The following CLIP4 variants were observed in gnomAD, a reference collection of about 807,000 sequenced individuals.
The protein encoded by CLIP4 is CAP-Gly domain containing linker protein family member 4.
Under a neutral mutation model 73.1 loss-of-function variants are expected in CLIP4, and 47 were observed. That is an observed-to-expected ratio of 0.64 (90% confidence interval 0.51 to 0.82). CLIP4 has a LOEUF of 0.82. Ranked by LOEUF, CLIP4 falls within the 40% of genes least tolerant of loss-of-function variation. The pLI is 0.00. For missense variants in CLIP4, 874 were observed against 852.9 expected (o/e 1.02, Z -0.31); for synonymous variants, 306 against 295.4 (o/e 1.04, Z -0.37).
rs1189569438 is a variant in CLIP4 at position 29,101,455 on chromosome 2, T to C, written c.-16+3508T>C. ...GTCTAATGTTCAAGGGCAGGAAGCA[T>C]CCAGCATAGGGGGAATGATGGAGCC... is the stretch of plus-strand genomic sequence containing the variant. On this transcript the variant is annotated intron_variant, in intron 1 of 14. Transcript: ENST00000401605. Among the ~76,000 whole-genome samples the C allele has an allele frequency of 2.6e-5, 4 of 152,038 alleles. No individual in the cohort carries two copies. In the East Asian group the frequency reaches 7.7e-4, roughly 29 times the overall value.
chr2:29,128,206 A>T (rs1481101590), intron 2 of CLIP4, among the ~76,000 whole-genome samples: 1 of 145,890 alleles, frequency 6.9e-6, no homozygotes, highest in Admixed American at 6.8e-5. Context: ...TTTTTTTTTT[A>T]AAGAAATAGA....
intron 7 of CLIP4, 42 bp downstream of exon 7, chr2:29,143,987 G>A (rs189297473): frequency 1.3e-6 from 2 of 1,530,850 alleles, no homozygotes; most frequent in African/African-American, 1.4e-5. Context: ...GGGTTGTTAT[G>A]TCCATGACCT....
chr2:29,163,821 C>T lies in CLIP4; in HGVS notation c.1535-10C>T, dbSNP rs766109065. The T allele has an allele frequency of 4.4e-6, 7 of 1,607,408 alleles. No homozygotes were observed. Among genetic ancestry groups the T allele is most frequent in the South Asian group, 1.1e-5 (1 of 89,410 alleles). On this transcript the variant is annotated splice_polypyrimidine_tract_variant and intron_variant, in intron 12 of 15. Coordinates refer to ENST00000320081, the MANE Select transcript of CLIP4 (RefSeq NM_024692.6). ...ACAGATGCTTTTGAAATGCAATATT[C>T]ATGTTCTAGGATATTGGTATGGTAT... is the stretch of plus-strand genomic sequence containing the variant.
intron 6 of CLIP4, among the ~76,000 whole-genome samples, chr2:29,137,420 A>G (rs1283854659): frequency 6.6e-6 from 1 of 152,172 alleles, no homozygotes; most frequent in Non-Finnish European, 1.5e-5. Context: ...TATCCAGTCC[A>G]CTATTGATGA....
intron 5 of CLIP4, among the ~76,000 whole-genome samples, chr2:29,135,187 A>T (rs1215644614): frequency 6.6e-6 from 1 of 152,060 alleles, no homozygotes; most frequent in Non-Finnish European, 1.5e-5. Context: ...AAACTCTACT[A>T]CTCTACCTCA....
chr2:29,150,551 G>C (rs1666485414), intron 8 of CLIP4, among the ~76,000 whole-genome samples: 1 of 151,208 alleles, frequency 6.6e-6, no homozygotes. Context: ...GTTTATTTTA[G>C]GTTTCTTCCA....
At chr2:29,159,979 G>C (rs1019651981) in intron 11 of CLIP4, among the ~76,000 whole-genome samples, 2 of 152,208 alleles carry the variant, frequency 1.3e-5, no homozygotes, top group African/African-American at 4.8e-5. Flanking sequence ...CATATTTACT[G>C]TCCAGCAATT....
At chr2:29,130,576 T>C (rs971148461) in intron 2 of CLIP4, 2 of 1,101,356 alleles carry the variant, frequency 1.8e-6, no homozygotes, top group Admixed American at 9.5e-5. Context: ...GGACTTTGGC[T>C]CAGAGGCCAA....
chr2:29,172,672 C>T (rs935505450), intron 14 of CLIP4, among the ~76,000 whole-genome samples: 3 of 151,734 alleles, frequency 2.0e-5, no homozygotes, highest in Non-Finnish European at 4.4e-5. Flanking sequence ...TATTATTTTT[C>T]TTAGCTCCTT....
chr2:29,157,465 A>G (rs1432661209), intron 11 of CLIP4, 118 bp downstream of exon 11: 4 of 1,526,830 alleles, frequency 2.6e-6, no homozygotes, highest in Admixed American at 1.7e-5. Context: ...AGATTGAACT[A>G]CTTTTACTCT....
At chr2:29,149,619 A>C (rs17007585) in intron 8 of CLIP4, among the ~76,000 whole-genome samples, 1 of 151,770 alleles carries the variant, frequency 6.6e-6, no homozygotes, top group African/African-American at 2.4e-5. Context: ...GAAAAGTCCT[A>C]TCAATACTTC....
At chr2:29,158,084 A>C (rs1226380562) in intron 11 of CLIP4, among the ~76,000 whole-genome samples, 1 of 152,234 alleles carries the variant, frequency 6.6e-6, no homozygotes, top group Non-Finnish European at 1.5e-5. Flanking sequence ...AGCTCTCAAC[A>C]ATAACATTGA....
At chr2:29,179,986 G>A (rs1457643043) in intron 15 of CLIP4, among the ~76,000 whole-genome samples, 1 of 152,176 alleles carries the variant, frequency 6.6e-6, no homozygotes, top group Non-Finnish European at 1.5e-5. Flanking sequence ...CTTTCTTATA[G>A]AGTGGTTAAT....
Position 29,182,766 on chromosome 2 carries a change from AAC to A in CLIP4, c.*877_*878del, listed in dbSNP as rs997915369. 6.5e-6 allele frequency: 1 copy of A among 152,672 alleles called. No individual in the cohort carries two copies. The highest frequency in any genetic ancestry group is 2.4e-5 in the African/African-American group (1 of 41,462). The allele number at this position is 152,672 out of a possible 1,614,324, so 9.5% of individuals were successfully genotyped here. On this transcript the variant is annotated 3_prime_UTR_variant, in exon 16 of 16. Coordinates refer to ENST00000320081, the MANE Select transcript of CLIP4 (RefSeq NM_024692.6). ...TAACTTCCTTATTGGATATGTTTGT[AAC>A]ACATAAACACAAAGCACTTTTCAAA...
intron 1 of CLIP4, among the ~76,000 whole-genome samples, chr2:29,121,167 A>AC (rs1026955805): frequency 9.9e-5 from 15 of 152,282 alleles, no homozygotes; most frequent in African/African-American, 3.4e-4. Context: ...TACATGTGCT[A>AC]CCGACTGGTA....
At chr2:29,180,148 G>A (rs1668563746) in intron 15 of CLIP4, among the ~76,000 whole-genome samples, 1 of 152,330 alleles carries the variant, frequency 6.6e-6, no homozygotes, top group South Asian at 2.1e-4. Flanking sequence ...GGGGTAGGGA[G>A]AGGGGTTTCT....
intron 14 of CLIP4, among the ~76,000 whole-genome samples, chr2:29,168,878 T>C (rs1283581951): frequency 6.6e-6 from 1 of 152,184 alleles, no homozygotes; most frequent in Non-Finnish European, 1.5e-5. Flanking sequence ...AGATATTTTC[T>C]TATATTGTTT....
chr2:29,125,140 C>A (rs952859337), intron 2 of CLIP4, among the ~76,000 whole-genome samples: 1 of 152,106 alleles, frequency 6.6e-6, no homozygotes, highest in African/African-American at 2.4e-5. Context: ...CTAATTGTTC[C>A]CTACTACTGA....
intron 1 of CLIP4, among the ~76,000 whole-genome samples, chr2:29,108,230 A>G (rs1486970704): frequency 6.6e-6 from 1 of 152,212 alleles, no homozygotes; most frequent in East Asian, 1.9e-4. Context: ...ACAACTAATG[A>G]TGAAATATAA....
Sources: allele counts gnomAD v4.1 joint callset (sites outside exome capture counted in the v4.1 genomes callset), GRCh38; gene constraint gnomAD v4.1.1; transcripts MANE v1.5; gene names NCBI Gene and HGNC (gene_info 2026-07-23, HGNC 2026-07-21).